The following AGK variants were observed in gnomAD, a reference collection of about 807,000 sequenced individuals.
AGK encodes acylglycerol kinase.
AGK carries 52 observed loss-of-function variants against 66.4 expected under a neutral mutation model. That is an observed-to-expected ratio of 0.78 (90% CI 0.63 to 0.99). The LOEUF is 0.99. Ranked by LOEUF, AGK falls within the 50% of genes least tolerant of loss-of-function variation. The pLI, the probability that AGK is intolerant of heterozygous loss-of-function variation, is 0.00. For synonymous variants in AGK, 182 were observed against 181.1 expected (o/e 1.00, Z -0.04); for missense variants, 451 against 506.6 (o/e 0.89, Z 1.05).
intron 7 of AGK, 31 bp from the exon 8 acceptor site, chr7:141,615,440 A>T: frequency 2.5e-6 from 4 of 1,582,966 alleles, no homozygotes; most frequent in Non-Finnish European, 3.5e-6. Flanking sequence ...TGATCATAAC[A>T]ATAAAACTTT....
At chr7:141,618,716 T>C (rs936020896) in intron 8 of AGK, among the ~76,000 whole-genome samples, 34 of 152,182 alleles carry the variant, frequency 2.2e-4, no homozygotes, top group African/African-American at 8.2e-4. Context: ...ACAATTTCTA[T>C]GAAATTCACA....
At chr7:141,593,549 G>A (rs1425719098) in intron 3 of AGK, 1 of 580,130 alleles carries the variant, frequency 1.7e-6, no homozygotes, top group Non-Finnish European at 3.1e-6. Context: ...TCAGTTCAGA[G>A]CAAGTGTTAC....
chr7:141,586,860 C>T (rs1443032394), intron 2 of AGK, among the ~76,000 whole-genome samples: 2 of 152,126 alleles, frequency 1.3e-5, no homozygotes, highest in African/African-American at 4.8e-5. Flanking sequence ...ATTTGGTATT[C>T]TCTGTCAACT....
chr7:141,650,178 T>G (rs1014822341), intron 14 of AGK, among the ~76,000 whole-genome samples: 5 of 152,186 alleles, frequency 3.3e-5, no homozygotes, highest in African/African-American at 1.2e-4. Flanking sequence ...GGCACATAAG[T>G]TTGTTGTTCT....
At chr7:141,590,115 A>G (rs944263561) in intron 2 of AGK, among the ~76,000 whole-genome samples, 5 of 152,248 alleles carry the variant, frequency 3.3e-5, no homozygotes. Context: ...CTAGCAACAA[A>G]GAACTTAGGG....
intron 9 of AGK, among the ~76,000 whole-genome samples, chr7:141,624,123 G>A (rs969613020): frequency 3.9e-5 from 6 of 151,956 alleles, no homozygotes; most frequent in Non-Finnish European, 8.8e-5. Flanking sequence ...CTGGCCACCC[G>A]AGAGCCCTGA....
At chr7:141,622,115 G>A (rs1340074388) in intron 9 of AGK, among the ~76,000 whole-genome samples, 1 of 150,186 alleles carries the variant, frequency 6.7e-6, no homozygotes, top group Non-Finnish European at 1.5e-5. Flanking sequence ...TTTTGAGAAG[G>A]AGTCTTGGTC....
At chr7:141,637,980 C>A (rs1797209513) in intron 11 of AGK, among the ~76,000 whole-genome samples, 1 of 152,080 alleles carries the variant, frequency 6.6e-6, no homozygotes, top group Non-Finnish European at 1.5e-5. Flanking sequence ...ATCGGTTATT[C>A]CTCGAGTTTC....
chr7:141,623,459 T>C (rs1796870424), intron 9 of AGK, among the ~76,000 whole-genome samples: 2 of 150,656 alleles, frequency 1.3e-5, no homozygotes, highest in African/African-American at 4.9e-5. Context: ...GAGAAAGTTT[T>C]TGTGGTCTAG....
Position 141,649,207 on chromosome 7 carries a change from A to C in AGK, c.976-56A>C, listed in dbSNP as rs554188564. 6 of 1,113,350 alleles carry C rather than the reference A, an allele frequency of 5.4e-6. No homozygotes were observed. The Admixed American group carries it at 1.0e-4, about 19-fold the overall frequency. The allele number at this position is 1,113,350 out of a possible 1,614,324, so 69.0% of individuals were successfully genotyped here. A position where few individuals can be genotyped will look rare whatever the true frequency, so the allele number is the denominator to read the frequency against. On this transcript the variant is annotated intron_variant, in intron 13 of 15. Transcript: ENST00000649286. ...AACCATCAAAGCTGAGGATGACAAC[A>C]GGCTGCATTAGCCAAATTTTAAGAG...
In AGK at chr7:141,601,224, G is replaced by A. The variant is rs781011525; in HGVS notation, c.241G>A (p.Glu81Lys). ...ACKGKARTLF[E>K]KNAAPILHLS... The stretch of plus-strand genomic sequence containing the variant: ...TAACAGAAAAGCCAGGACTCTATTT[G>A]AAAAAAATGCTGCCCCGATTTTACA... Residue 81 changes from glutamate (E) to lysine (K), a missense_variant, in exon 5 of 16, where the codon GAA becomes AAA. By Grantham distance (56) the Glu-to-Lys change is moderately conservative. Transcript: ENST00000649286. 1.9e-6 allele frequency: 3 copies of A among 1,612,008 alleles called. No individual in the cohort carries two copies. The Admixed American group carries it at 5.0e-5, about 27-fold the overall frequency.
At chr7:141,588,366 C>T (rs1252664359) in intron 2 of AGK, among the ~76,000 whole-genome samples, 1 of 152,132 alleles carries the variant, frequency 6.6e-6, no homozygotes, top group Non-Finnish European at 1.5e-5. Context: ...AGTGGCCACA[C>T]CTGTAATGCC....
chr7:141,626,962 T>C (rs899455708), intron 9 of AGK, among the ~76,000 whole-genome samples: 3 of 152,202 alleles, frequency 2.0e-5, no homozygotes, highest in South Asian at 2.1e-4. Flanking sequence ...AGATGAAATA[T>C]TTAGTGGTAC....
At chr7:141,558,366 A>G (rs1795261544) in intron 2 of AGK, among the ~76,000 whole-genome samples, 1 of 149,176 alleles carries the variant, frequency 6.7e-6, no homozygotes, top group African/African-American at 2.5e-5. Flanking sequence ...TTTTTTAACC[A>G]TGTTGGCCCG....
At chr7:141,591,737 T>C (rs1796125812) in intron 2 of AGK, among the ~76,000 whole-genome samples, 1 of 152,232 alleles carries the variant, frequency 6.6e-6, no homozygotes, top group African/African-American at 2.4e-5. Context: ...TGTTCATCTT[T>C]TCTGGGTATT....
intron 9 of AGK, among the ~76,000 whole-genome samples, chr7:141,624,659 A>G (rs980105277): frequency 5.9e-5 from 9 of 152,244 alleles, no homozygotes; most frequent in Non-Finnish European, 1.0e-4. Context: ...CAATCTTATA[A>G]AATTTGAATG....
intron 5 of AGK, among the ~76,000 whole-genome samples, chr7:141,604,785 T>C (rs1182103054): frequency 6.6e-6 from 1 of 152,022 alleles, no homozygotes; most frequent in African/African-American, 2.4e-5. Flanking sequence ...GGTTTTACCA[T>C]GTTGGCCAGG....
chr7:141,578,533 G>A (rs573938733), intron 2 of AGK, among the ~76,000 whole-genome samples: 1 of 151,838 alleles, frequency 6.6e-6, no homozygotes, highest in East Asian at 1.9e-4. Flanking sequence ...AAGTGTTGGG[G>A]CAGCAAAACT....
At chr7:141,629,708 G>A (rs887691470) in intron 9 of AGK, among the ~76,000 whole-genome samples, 1 of 152,030 alleles carries the variant, frequency 6.6e-6, no homozygotes, top group African/African-American at 2.4e-5. Flanking sequence ...CTAGGATACA[G>A]CACTCCACAT....
Sources: gnomAD v4.1 joint callset for allele counts (sites outside exome capture counted in the v4.1 genomes callset) on GRCh38, gnomAD v4.1.1 for gene constraint, MANE v1.5 for transcripts, NCBI Gene and HGNC (gene_info 2026-07-23, HGNC 2026-07-21) for gene names.